ADD2: variants seen among roughly 807,000 people sequenced by gnomAD.
ADD2 encodes the protein beta-adducin.
A neutral mutation model predicts 83.0 loss-of-function variants in ADD2; 23 were observed. That is an observed-to-expected ratio of 0.28 (90% CI 0.20 to 0.39). The LOEUF is 0.39. Ranked by LOEUF, ADD2 falls within the 10% of genes least tolerant of loss-of-function variation. The pLI is 1.00. For missense variants in ADD2, 758 were observed against 944.9 expected, an observed-to-expected ratio of 0.80 and a Z score of 2.59; for synonymous variants, 375 against 375.4, an observed-to-expected ratio of 1.00 and a Z score of 0.01.
At chr2:70,690,970 C>G in intron 7 of ADD2, 41 bp from the exon 8 acceptor site, 1 of 1,584,788 alleles carries the variant, frequency 6.3e-7, no homozygotes, top group African/African-American at 1.3e-5. Flanking sequence ...GCAGCCCTCC[C>G]TGCCCTTTCC....
Position 70,726,186 on chromosome 2 carries a change from C to CAAAAAAAAA in ADD2, c.-153-13011_-153-13003dup, listed in dbSNP as rs34333514. ...TGGGCGACAGAGCGAGACTCCATCT[C>CAAAAAAAAA]AAAAAAAAAAAAAAAAAAAAAAAAA... On this transcript the variant is annotated intron_variant, in intron 1 of 15. Coordinates refer to ENST00000264436, the MANE Select transcript of ADD2 (RefSeq NM_001617.4). 2.3e-3 allele frequency among the ~76,000 whole-genome samples: 104 copies of CAAAAAAAAA among 45,478 alleles called. 3 individuals carry two copies. Among genetic ancestry groups the CAAAAAAAAA allele is most frequent in the Admixed American group, 4.4e-3 (13 of 2,950 alleles). 29.8% of individuals were successfully genotyped at this position (45,478 alleles called of 152,430 possible). A position where few individuals can be genotyped will look rare whatever the true frequency, so the allele number is the denominator to read the frequency against.
At chr2:70,693,385 A>C (rs781874954) in intron 6 of ADD2, among the ~76,000 whole-genome samples, 3 of 152,166 alleles carry the variant, frequency 2.0e-5, no homozygotes, top group Non-Finnish European at 4.4e-5. Flanking sequence ...AAAACTCATG[A>C]CAACTTTAGC....
chr2:70,745,525 C>T (rs1553381836), intron 1 of ADD2, among the ~76,000 whole-genome samples: 1 of 152,138 alleles, frequency 6.6e-6, no homozygotes, highest in East Asian at 1.9e-4. Context: ...GGCCGCCTCT[C>T]TGAGGTTCAC....
At chr2:70,675,827 G>C (rs1553368146) in intron 13 of ADD2, 1 of 985,226 alleles carries the variant, frequency 1.0e-6, no homozygotes, top group Non-Finnish European at 1.2e-6. Flanking sequence ...AAGAGCACTT[G>C]GTATAAATGG....
chr2:70,674,903 C>T, intron 13 of ADD2, 78 bp from the exon 14 acceptor site: 1 of 1,539,876 alleles, frequency 6.5e-7, no homozygotes, highest in Non-Finnish European at 8.7e-7. Context: ...CTTTTAGATT[C>T]ATGTGGCTGC....
chr2:70,675,643 A>G, intron 13 of ADD2: 2 of 985,402 alleles, frequency 2.0e-6, no homozygotes, highest in South Asian at 4.7e-5. Context: ...AGGAGCAAAG[A>G]GAGTGAAGCC....
Position 70,736,805 on chromosome 2 carries a change from T to C in ADD2, c.-153-23621A>G, listed in dbSNP as rs181500024. On this transcript the variant is annotated intron_variant, in intron 1 of 15. Coordinates refer to ENST00000264436, the MANE Select transcript of ADD2 (RefSeq NM_001617.4). ...TTTTTTTTTTAAGTTGAATGAATGCTCGAATAATATGAGCTTGGAGGTAAG... is the reference window on the plus strand; with the variant it reads ...TTTTTTTTTTAAGTTGAATGAATGCCCGAATAATATGAGCTTGGAGGTAAG... Among the ~76,000 whole-genome samples, 312 of 151,636 alleles carry C rather than the reference T, an allele frequency of 2.1e-3. 4 individuals are homozygous for C. The highest frequency in any genetic ancestry group is 1.2e-3 in the East Asian group (6 of 5,160).
chr2:70,694,642 C>CT (rs1290131908), intron 6 of ADD2, among the ~76,000 whole-genome samples: 1 of 152,120 alleles, frequency 6.6e-6, no homozygotes, highest in Non-Finnish European at 1.5e-5. Flanking sequence ...CAAACCTCTC[C>CT]TTGCCACCAT....
At chr2:70,733,191 C>T (rs1673367845) in intron 1 of ADD2, among the ~76,000 whole-genome samples, 1 of 152,210 alleles carries the variant, frequency 6.6e-6, no homozygotes, top group Admixed American at 6.5e-5. Context: ...AATCTTTTCC[C>T]TGAGTTTTTC....
intron 1 of ADD2, among the ~76,000 whole-genome samples, chr2:70,733,447 G>T (rs1574301678): frequency 6.6e-6 from 1 of 152,226 alleles, no homozygotes; most frequent in African/African-American, 2.4e-5. Context: ...GGTTTGGATT[G>T]CAGAGGCTTT....
At chr2:70,757,299 G>A (rs1305906018) in intron 1 of ADD2, among the ~76,000 whole-genome samples, 1 of 135,556 alleles carries the variant, frequency 7.4e-6, no homozygotes, top group Non-Finnish European at 1.6e-5. Flanking sequence ...GGGGGGGGGG[G>A]ATTTGTACAG....
chr2:70,726,983 GA>G (rs1456275053), intron 1 of ADD2, among the ~76,000 whole-genome samples: 1 of 152,160 alleles, frequency 6.6e-6, no homozygotes. Flanking sequence ...AAATGCTCCA[GA>G]AAAACCATCC....
chr2:70,734,709 A>G (rs997444665), intron 1 of ADD2, among the ~76,000 whole-genome samples: 41 of 152,336 alleles, frequency 2.7e-4, no homozygotes, highest in African/African-American at 8.9e-4. Context: ...GAGCTTGGAC[A>G]TGACACCCAT....
chr2:70,664,544 A>G (rs1675679500), intron 15 of ADD2, among the ~76,000 whole-genome samples: 1 of 152,214 alleles, frequency 6.6e-6, no homozygotes, highest in Admixed American at 6.5e-5. Flanking sequence ...CAGACTGAAA[A>G]GTAGAAAGCA....
intron 1 of ADD2, among the ~76,000 whole-genome samples, chr2:70,754,248 C>A (rs373441998): frequency 6.6e-6 from 1 of 152,142 alleles, no homozygotes; most frequent in African/African-American, 2.4e-5. Flanking sequence ...TACCTTCCTT[C>A]CTGCTTGGAA....
intron 1 of ADD2, among the ~76,000 whole-genome samples, chr2:70,729,794 T>G (rs555053521): frequency 6.6e-6 from 1 of 152,290 alleles, no homozygotes; most frequent in African/African-American, 2.4e-5. Flanking sequence ...ACCTTGTTTC[T>G]GAGAGATGGA....
chr2:70,740,238 C>T (rs1673814208), intron 1 of ADD2, among the ~76,000 whole-genome samples: 2 of 152,098 alleles, frequency 1.3e-5, no homozygotes, highest in South Asian at 4.1e-4. Context: ...TAACATAGCA[C>T]TGGACTATAT....
In ADD2 at chr2:70,663,409, C is replaced by G. The variant is rs782533361; in HGVS notation, c.*16G>C. 18 of 1,605,310 alleles carry G rather than the reference C, an allele frequency of 1.1e-5. No individual in the cohort carries two copies. Among genetic ancestry groups the G allele is most frequent in the Non-Finnish European group, 1.5e-5 (18 of 1,175,504 alleles). Reference sequence around the variant, plus strand: ...GGAGAGAGAGGAGGCAGGAGGGAGCCCAAGGGTGTCATGAATCAGGACTCC... The same window carrying G: ...GGAGAGAGAGGAGGCAGGAGGGAGCGCAAGGGTGTCATGAATCAGGACTCC... On this transcript the variant is annotated 3_prime_UTR_variant, in exon 16 of 16. Coordinates refer to ENST00000264436, the MANE Select transcript of ADD2 (RefSeq NM_001617.4).
At chr2:70,711,690 A>G (rs1484367723) in intron 2 of ADD2, among the ~76,000 whole-genome samples, 1 of 152,194 alleles carries the variant, frequency 6.6e-6, no homozygotes. Context: ...AGAGCACGGA[A>G]GCTCTGTGCG....
Sources: gnomAD v4.1 joint callset for allele counts (sites outside exome capture counted in the v4.1 genomes callset) on GRCh38, gnomAD v4.1.1 for gene constraint, MANE v1.5 for transcripts, NCBI Gene and HGNC (gene_info 2026-07-23, HGNC 2026-07-21) for gene names.